TBXAS1: variants seen among roughly 807,000 people sequenced by gnomAD.
TBXAS1 encodes thromboxane A synthase 1, also known as thromboxane-A synthase.
A neutral mutation model predicts 60.7 loss-of-function variants in TBXAS1; 48 were observed. That is an observed-to-expected ratio of 0.79 (90% CI 0.63 to 1.01). The LOEUF (loss-of-function observed/expected upper bound fraction) is 1.01, where lower values mean the gene tolerates loss of function less well. Among genes scored for constraint, TBXAS1 ranks in the 50% least tolerant of loss-of-function variants. TBXAS1 has a pLI of 0.00. For synonymous variants in TBXAS1, 287 were observed against 269.7 expected (o/e 1.06, Z -0.63); for missense variants, 685 against 686.3 (o/e 1.00, Z 0.02).
chr7:139,954,274 A>G (rs1809661230), intron 6 of TBXAS1, among the ~76,000 whole-genome samples: 1 of 152,226 alleles, frequency 6.6e-6, no homozygotes, highest in African/African-American at 2.4e-5. Flanking sequence ...ACCAGTTTAC[A>G]CAGTCTTTTC....
intron 10 of TBXAS1, among the ~76,000 whole-genome samples, chr7:140,014,504 T>C (rs1245716153): frequency 1.3e-5 from 2 of 151,886 alleles, no homozygotes. Context: ...AAGAGGCTGG[T>C]GGATGCAGAA....
chr7:140,006,094 G>A (rs1252598434), intron 9 of TBXAS1, among the ~76,000 whole-genome samples: 1 of 152,178 alleles, frequency 6.6e-6, no homozygotes, highest in African/African-American at 2.4e-5. Flanking sequence ...CCTGAAGGCC[G>A]GCCTCCTGCT....
chr7:139,979,593 GC>G (rs1372839296), intron 9 of TBXAS1, among the ~76,000 whole-genome samples: 1 of 151,960 alleles, frequency 6.6e-6, no homozygotes, highest in African/African-American at 2.4e-5. Context: ...AGGCTTGGTG[GC>G]GTGAGCCTGT....
At chr7:139,792,900 G>A (rs1384090602) in intron 4 of TBXAS1, among the ~76,000 whole-genome samples, 1 of 152,194 alleles carries the variant, frequency 6.6e-6, no homozygotes, top group African/African-American at 2.4e-5. Context: ...AAGCAAGATG[G>A]TAAAGGAAAA....
Position 139,929,188 on chromosome 7 carries a change from C to A in TBXAS1, c.334-7003C>A, listed in dbSNP as rs556316916. 3.3e-4 allele frequency among the ~76,000 whole-genome samples: 50 copies of A among 152,306 alleles called. 1 individual carries two copies. In the Middle Eastern group the frequency reaches 0.01, roughly 31 times the overall value. ...AAATAGCACTCAAATATAAAATTTT[C>A]TTTTTAATTCTCAGCAAGGCAAGTT... On this transcript the variant is annotated intron_variant, in intron 4 of 12. Coordinates refer to ENST00000448866, the MANE Select transcript of TBXAS1 (RefSeq NM_001061.7).
At chr7:139,824,609 C>T, upstream of TBXAS1, among the ~76,000 whole-genome samples, 1 of 152,096 alleles carries the variant, frequency 6.6e-6, no homozygotes. Context: ...ATTCATTATA[C>T]AATAAGTGAG....
chr7:139,785,048 G>T (rs1329967766), intron 3 of TBXAS1, among the ~76,000 whole-genome samples: 1 of 152,176 alleles, frequency 6.6e-6, no homozygotes, highest in East Asian at 1.9e-4. Flanking sequence ...TCTGGGGGTG[G>T]CACCTGGAAA....
At chr7:139,960,093 G>T (rs1810209688) in intron 8 of TBXAS1, among the ~76,000 whole-genome samples, 1 of 152,190 alleles carries the variant, frequency 6.6e-6, no homozygotes, top group Non-Finnish European at 1.5e-5. Context: ...CATTTTCTCA[G>T]CTATTACAAC....
intron 5 of TBXAS1, among the ~76,000 whole-genome samples, chr7:139,944,374 A>C (rs1036152314): frequency 6.6e-6 from 1 of 152,220 alleles, no homozygotes. Context: ...AGTGAGAAAG[A>C]AAGCTGAAAA....
chr7:139,786,440 G>C (rs1473427347), intron 3 of TBXAS1, among the ~76,000 whole-genome samples: 2 of 151,890 alleles, frequency 1.3e-5, no homozygotes, highest in Non-Finnish European at 2.9e-5. Flanking sequence ...TTTAGTTTTG[G>C]GATTACCTGT....
chr7:139,917,745 G>T (rs1043582869), intron 4 of TBXAS1, among the ~76,000 whole-genome samples: 2 of 152,208 alleles, frequency 1.3e-5, no homozygotes, highest in African/African-American at 4.8e-5. Flanking sequence ...GCCTTGCAGA[G>T]ATTTTTCTAA....
At chr7:139,988,403 C>T (rs187454542) in intron 9 of TBXAS1, among the ~76,000 whole-genome samples, 7 of 152,324 alleles carry the variant, frequency 4.6e-5, no homozygotes, top group Admixed American at 3.9e-4. Flanking sequence ...CAGTCATGGT[C>T]CCACCTGGCC....
At position 139,789,039 on chromosome 7, in the gene TBXAS1, T is replaced by C. The variant is rs141379161; in HGVS notation, c.-80+1613T>C. ...TTAGCAAAAGCAGAATATAACCCTT[T>C]CTCCAATTCTGTATGGGTGACACCC... On this transcript the variant is annotated intron_variant, in intron 4 of 16. Coordinates refer to the TBXAS1 transcript ENST00000336425. Among the ~76,000 whole-genome samples, 9 of 152,246 alleles carry C rather than the reference T, an allele frequency of 5.9e-5. No individual in the cohort carries two copies. In the South Asian group the frequency reaches 1.0e-3, roughly 18 times the overall value.
At chr7:140,003,643 C>G (rs1365301730) in intron 9 of TBXAS1, among the ~76,000 whole-genome samples, 1 of 152,150 alleles carries the variant, frequency 6.6e-6, no homozygotes, top group Non-Finnish European at 1.5e-5. Context: ...TTTGACAAAC[C>G]GTGACAACTT....
chr7:139,828,465 G>C (rs1393145821), upstream of TBXAS1, among the ~76,000 whole-genome samples: 1 of 152,116 alleles, frequency 6.6e-6, no homozygotes, highest in East Asian at 1.9e-4. Context: ...GTGTCTTCTG[G>C]GTCCTGCAGG....
At chr7:140,014,302 G>A (rs532661522) in intron 10 of TBXAS1, among the ~76,000 whole-genome samples, 50 of 152,340 alleles carry the variant, frequency 3.3e-4, no homozygotes, top group African/African-American at 1.2e-3. Flanking sequence ...AACAGAAGGA[G>A]GAGAAGATTC....
intron 8 of TBXAS1, among the ~76,000 whole-genome samples, chr7:139,961,365 T>C (rs1477114216): frequency 6.6e-6 from 1 of 152,204 alleles, no homozygotes; most frequent in African/African-American, 2.4e-5. Flanking sequence ...AATCTATCTA[T>C]GTGATGTTGC....
chr7:139,819,755 G>C (rs1256921590), intron 4 of TBXAS1, among the ~76,000 whole-genome samples: 1 of 151,914 alleles, frequency 6.6e-6, no homozygotes, highest in East Asian at 1.9e-4. Flanking sequence ...CACCTGCCTT[G>C]GCCTCCTAAA....
rs776731492 is a variant in TBXAS1 at position 139,957,732 on chromosome 7, A to T, written c.787A>T (p.Ile263Phe). ...GFFNKLIRNV[I>F]ALRDQQAAEE... ...TTTTAACAAACTCATTAGGAATGTG[A>T]TTGCCTTGCGGGACCAGCAAGCTGC... is the stretch of plus-strand genomic sequence containing the variant. Residue 263 changes from isoleucine (I) to phenylalanine (F), a missense_variant, in exon 8 of 13, where the codon ATT becomes TTT. Physicochemically the swap from Ile to Phe is conservative, Grantham distance 21. Transcript: ENST00000448866. The T allele has an allele frequency of 6.2e-7, 1 of 1,614,082 alleles. No individual in the cohort carries two copies. The highest frequency in any genetic ancestry group is 8.5e-7 in the Non-Finnish European group (1 of 1,180,026).
Sources: gnomAD v4.1 joint callset for allele counts (sites outside exome capture counted in the v4.1 genomes callset) on GRCh38, gnomAD v4.1.1 for gene constraint, MANE v1.5 for transcripts, NCBI Gene and HGNC (gene_info 2026-07-23, HGNC 2026-07-21) for gene names.